Variants in MYH4 observed in about 807,000 individuals in gnomAD.
MYH4 encodes the protein myosin-4.
A neutral mutation model predicts 229.9 loss-of-function variants in MYH4; 200 were observed. The observed-to-expected ratio is 0.87, with a 90% CI of 0.78 to 0.98. MYH4 has a LOEUF of 0.98. MYH4 is among the 50% of genes least tolerant of loss of function. MYH4 has a pLI of 0.00. For synonymous variants in MYH4, 761 were observed against 834.6 expected (o/e 0.91, Z 1.52); for missense variants, 2,148 against 2,332.6 (o/e 0.92, Z 1.63).
Position 10,463,631 on chromosome 17 carries a change from C to T in MYH4, c.661G>A (p.Asp221Asn), listed in dbSNP as rs368055208. The change falls in exon 8 of 40, where the codon GAT becomes AAT. Residue 221 changes from aspartate (D) to asparagine (N), a missense_variant. Asp to Asn is a conservative substitution (Grantham distance 23). Coordinates refer to ENST00000255381, the MANE Select transcript of MYH4 (RefSeq NM_017533.2). ...AGGGGGTTAGCACTGATGATTTGAT[C>T]TTCAAGGGTCCCCTTAAGAGAAATG... ...ASGKMQGTLE[D>N]QIISANPLLE... 6.2e-7 allele frequency: 1 copy of T among 1,607,626 alleles called. No homozygotes were observed. The highest frequency in any genetic ancestry group is 8.5e-7 in the Non-Finnish European group (1 of 1,177,826).
intron 12 of MYH4, among the ~76,000 whole-genome samples, chr17:10,460,646 C>T (rs1284726361): frequency 6.6e-6 from 1 of 152,202 alleles, no homozygotes; most frequent in Admixed American, 6.5e-5. Flanking sequence ...CTGTTTCTTT[C>T]AGTGCCTGTG....
intron 14 of MYH4, 108 bp from the exon 15 acceptor site, chr17:10,459,529 T>C (rs2072678086): frequency 1.3e-6 from 2 of 1,555,058 alleles, no homozygotes; most frequent in South Asian, 1.2e-5. Flanking sequence ...TATTAAATTA[T>C]AAACCTTCAG....
intron 22 of MYH4, 122 bp from the exon 23 acceptor site, chr17:10,454,007 C>A (rs1414216836): frequency 7.6e-7 from 1 of 1,320,962 alleles, no homozygotes; most frequent in African/African-American, 1.5e-5. Context: ...CAGTTGCTAA[C>A]TTTTAAAATG....
rs1380445354 is a variant in MYH4 at position 10,454,806 on chromosome 17, ACT to A, written c.2438_2439del (p.Glu813ValfsTer48). ...VEFRKMMERR[E>X]SIFCIQYNIR... Reference sequence around the variant, plus strand: ...ATGTTGTACTGAATGCAGAAGATGGACTCTCTGTAGGAAAAGAAAAAAAGATG... The same window carrying A: ...ATGTTGTACTGAATGCAGAAGATGGACTCTGTAGGAAAAGAAAAAAAGATG... On this transcript the variant is annotated frameshift_variant and splice_region_variant, in exon 22 of 40. Coordinates refer to ENST00000255381, the MANE Select transcript of MYH4 (RefSeq NM_017533.2). LOFTEE classifies it high-confidence loss of function. 1 of 1,613,408 alleles carries A rather than the reference ACT, an allele frequency of 6.2e-7. No individual in the cohort carries two copies. Among genetic ancestry groups the A allele is most frequent in the Non-Finnish European group, 8.5e-7 (1 of 1,179,668 alleles).
Position 10,454,620 on chromosome 17 carries a change from C to T in MYH4, c.2626G>A (p.Glu876Lys). ...ELAKTEAKRK[E>K]LEEKMVTLMQ... is the part of the protein sequence containing the mutation. Reference sequence around the variant, plus strand: ...AGCGTCACCATCTTTTCTTCTAGTTCTTTCCTTTTTGCCTCTGTCTTAGCC... The same window carrying T: ...AGCGTCACCATCTTTTCTTCTAGTTTTTTCCTTTTTGCCTCTGTCTTAGCC... The change falls in exon 22 of 40, where the codon GAA becomes AAA. Residue 876 changes from glutamate (E) to lysine (K), a missense_variant. Glu to Lys is a moderately conservative substitution (Grantham distance 56). Coordinates refer to ENST00000255381, the MANE Select transcript of MYH4 (RefSeq NM_017533.2). 6.2e-7 allele frequency: 1 copy of T among 1,614,140 alleles called. No individual in the cohort carries two copies. The highest frequency in any genetic ancestry group is 8.5e-7 in the Non-Finnish European group (1 of 1,180,026).
At chr17:10,459,469 T>A in intron 14 of MYH4, 48 bp from the exon 15 acceptor site, 1 of 1,614,054 alleles carries the variant, frequency 6.2e-7, no homozygotes, top group Non-Finnish European at 8.5e-7. Context: ...AAGTATTCTA[T>A]CTACAGAGTA....
At position 10,443,302 on chromosome 17, in the gene MYH4, A is replaced by C; in HGVS notation, c.*73T>G. On this transcript the variant is annotated 3_prime_UTR_variant, in exon 40 of 40. Coordinates refer to ENST00000255381, the MANE Select transcript of MYH4 (RefSeq NM_017533.2). The surrounding 1 kb of genome is among the most constrained non-coding windows in gnomAD (Gnocchi z 4.6). ...ATTATCTAAAGATTTTATTTCCTTG[A>C]TATACAGGACAGTGACAAAGAACTT... 1 of 1,471,838 alleles carries C rather than the reference A, an allele frequency of 6.8e-7. No homozygotes were observed. The highest frequency in any genetic ancestry group is 2.3e-5 in the East Asian group (1 of 43,816). 91.2% of individuals were successfully genotyped at this position (1,471,838 alleles called of 1,614,324 possible).
chr17:10,461,494 C>A (rs1713383914), intron 11 of MYH4, among the ~76,000 whole-genome samples: 1 of 152,074 alleles, frequency 6.6e-6, no homozygotes. Flanking sequence ...TATCCTAATG[C>A]ATAATCCCAG....
Position 10,455,723 on chromosome 17 carries a change from C to T in MYH4, c.2065G>A (p.Glu689Lys), listed in dbSNP as rs1257710906. 1.2e-6 allele frequency: 2 copies of T among 1,614,148 alleles called. No individual in the cohort carries two copies. The highest frequency in any genetic ancestry group is 1.7e-6 in the Non-Finnish European group (2 of 1,180,028). The change falls in exon 19 of 40, where the codon GAG becomes AAG. Residue 689 changes from glutamate (E) to lysine (K), a missense_variant. By Grantham distance (56) the Glu-to-Lys change is moderately conservative. Transcript: ENST00000255381. Reference protein sequence around the residue: ...PNETKTPGAMEHELVLHQLRC... With the variant: ...PNETKTPGAMKHELVLHQLRC... The stretch of plus-strand genomic sequence containing the variant: ...AGCTGATGCAGGACAAGCTCATGCT[C>T]CATGGCACCTAAGAGAATGAATCCA...
chr17:10,466,888 C>T, intron 2 of MYH4, 104 bp from the exon 3 acceptor site: 1 of 1,067,664 alleles, frequency 9.4e-7, no homozygotes, highest in Non-Finnish European at 1.3e-6. Context: ...GTTTCCTCAC[C>T]CCTGCCTTTA....
At chr17:10,450,223 T>C (rs1393625565) in intron 30 of MYH4, among the ~76,000 whole-genome samples, 1 of 152,164 alleles carries the variant, frequency 6.6e-6, no homozygotes, top group Non-Finnish European at 1.5e-5. Context: ...TGGAAAGAAA[T>C]TTAAGATGCT....
In MYH4 at chr17:10,464,683, A is replaced by T; in HGVS notation, c.531T>A (p.Ile177=). The T allele has an allele frequency of 6.2e-7, 1 of 1,613,876 alleles. No individual in the cohort carries two copies. The highest frequency in any genetic ancestry group is 1.1e-5 in the South Asian group (1 of 91,060). ...AGAAAGTAACGAAATCTACATACGT[A>T]ATCAAGATTGACTGGTTTTCACGAT... ...LTDRENQSIL[I]TGESGAGKTV... is the part of the protein sequence containing the mutation. Residue 177 remains isoleucine (I), a splice_region_variant and synonymous_variant, in exon 6 of 40, where the codon ATT becomes ATA. Coordinates refer to ENST00000255381, the MANE Select transcript of MYH4 (RefSeq NM_017533.2).
chr17:10,448,786 G>C lies in MYH4; in HGVS notation c.4366-3C>G. ...TTCTGTTTCCATTCTGCCAGAACCT[G>C]GAAGTATATAGAAAATAAGCCTTTG... is the stretch of plus-strand genomic sequence containing the variant. On this transcript the variant is annotated splice_region_variant and splice_polypyrimidine_tract_variant and intron_variant, in intron 31 of 39. Transcript: ENST00000255381. The C allele has an allele frequency of 6.2e-7, 1 of 1,612,888 alleles. No individual in the cohort carries two copies. The highest frequency in any genetic ancestry group is 8.5e-7 in the Non-Finnish European group (1 of 1,179,906).
At chr17:10,445,960 G>A (rs986912743) in intron 35 of MYH4, among the ~76,000 whole-genome samples, 37 of 146,744 alleles carry the variant, frequency 2.5e-4, no homozygotes, top group African/African-American at 7.8e-4. Flanking sequence ...CATGGGAGTC[G>A]GAGCTTGCTG....
Position 10,454,708 on chromosome 17 carries a change from A to G in MYH4, c.2538T>C (p.Ser846=), listed in dbSNP as rs1258739566. ...TGGCCATCTCCTTCTCTGTCTCTGC[A>G]CTCTTGAGGAGGGGCTTGATCTTGA... ...LYFKIKPLLK[S]AETEKEMANM... is the part of the protein sequence containing the mutation. The change falls in exon 22 of 40, where the codon AGT becomes AGC. Residue 846 remains serine, a synonymous_variant. Transcript: ENST00000255381. The G allele has an allele frequency of 2.5e-6, 4 of 1,613,934 alleles. No individual in the cohort carries two copies. In the Admixed American group the frequency reaches 5.0e-5, roughly 20 times the overall value.
At chr17:10,451,542 G>A in intron 27 of MYH4, 90 bp from the exon 28 acceptor site, 1 of 1,383,674 alleles carries the variant, frequency 7.2e-7, no homozygotes, top group Non-Finnish European at 9.8e-7. Flanking sequence ...GTGGAAAGGG[G>A]CTGATTTTTA....
chr17:10,465,497 C>T lies in MYH4; in HGVS notation c.450G>A (p.Glu150=), dbSNP rs988601126. ...VTAYRGKKRQ[E]APPHIFSISD... ...AGATGGAGAAGATATGGGGTGGGGC[C>T]TCCTGGCGCTTTTTGCCTCGGTAGG... Residue 150 remains glutamate (E), a synonymous_variant, in exon 5 of 40, where the codon GAG becomes GAA. Transcript: ENST00000255381. The T allele has an allele frequency of 6.2e-7, 1 of 1,614,148 alleles. No individual in the cohort carries two copies. Among genetic ancestry groups the T allele is most frequent in the African/African-American group, 1.3e-5 (1 of 75,046 alleles).
intron 12 of MYH4, among the ~76,000 whole-genome samples, chr17:10,460,569 A>G (rs765790568): frequency 5.3e-5 from 8 of 152,252 alleles, no homozygotes; most frequent in Non-Finnish European, 1.0e-4. Context: ...TGGCAAAAGT[A>G]GACCACAGAT....
At chr17:10,451,503 G>C in intron 27 of MYH4, 51 bp from the exon 28 acceptor site, 3 of 1,579,296 alleles carry the variant, frequency 1.9e-6, no homozygotes, top group Non-Finnish European at 8.6e-7. Flanking sequence ...TTATTCTAGA[G>C]GCTGGGATTT....
Sources: gnomAD v4.1 joint callset for allele counts (sites outside exome capture counted in the v4.1 genomes callset) on GRCh38, gnomAD v4.1.1 for gene constraint, Gnocchi (gnomAD v3.1) non-coding constraint, MANE v1.5 for transcripts, NCBI Gene and HGNC (gene_info 2026-07-23, HGNC 2026-07-21) for gene names.